The following KIF26B variants were observed in gnomAD, a reference collection of about 807,000 sequenced individuals.
KIF26B encodes kinesin-like protein KIF26B.
In KIF26B, 63 loss-of-function variants were observed where a neutral mutation model predicts 151.2. The ratio of observed to expected loss-of-function variants is 0.42; its 90% CI spans 0.34 to 0.51. KIF26B has a LOEUF of 0.51. Among genes scored for constraint, KIF26B ranks in the 20% least tolerant of loss-of-function variants. KIF26B has a pLI of 0.07. For synonymous variants in KIF26B, 1,357 were observed against 1,262.1 expected, an observed-to-expected ratio of 1.08 and a Z score of -1.59; for missense variants, 2,813 against 2,913.6, an observed-to-expected ratio of 0.97 and a Z score of 0.79.
intron 4 of KIF26B, among the ~76,000 whole-genome samples, chr1:245,430,143 C>G (rs1461389504): frequency 6.6e-6 from 1 of 151,946 alleles, no homozygotes; most frequent in African/African-American, 2.4e-5. Flanking sequence ...CCCTCGTGAT[C>G]TGAACTGGGG....
At chr1:245,582,637 G>C (rs1217317508) in intron 5 of KIF26B, among the ~76,000 whole-genome samples, 1 of 152,136 alleles carries the variant, frequency 6.6e-6, no homozygotes, top group Non-Finnish European at 1.5e-5. Context: ...GAGGATTTAT[G>C]CTTATCGTCT....
rs149448946 is a variant in KIF26B, at chr1:245,181,396, G to A, written c.465+24713G>A. On this transcript the variant is annotated intron_variant, in intron 2 of 14. Coordinates refer to ENST00000407071, the MANE Select transcript of KIF26B (RefSeq NM_018012.4). Reference sequence around the variant, plus strand: ...TTGAAAGTAGGTTATCGATTAGCACGGATGCCAATTTACTACAGAGGCTGT... The same window carrying A: ...TTGAAAGTAGGTTATCGATTAGCACAGATGCCAATTTACTACAGAGGCTGT... Among the ~76,000 whole-genome samples, 255 of 152,128 alleles carry A rather than the reference G, an allele frequency of 1.7e-3. 5 individuals are homozygous for A. The South Asian group carries it at 0.025, about 15-fold the overall frequency.
chr1:245,347,139 C>T (rs1672472053), intron 2 of KIF26B, among the ~76,000 whole-genome samples: 1 of 152,166 alleles, frequency 6.6e-6, no homozygotes, highest in Non-Finnish European at 1.5e-5. Flanking sequence ...TTCTAGTGGG[C>T]TCGAGCACCC....
chr1:245,464,022 T>G lies in KIF26B; in HGVS notation c.1166+44277T>G, dbSNP rs530386742. On this transcript the variant is annotated intron_variant, in intron 4 of 14. Coordinates refer to ENST00000407071, the MANE Select transcript of KIF26B (RefSeq NM_018012.4). ...CCTCCTCCTCCTCCTCTGGAAAACG[T>G]GCACAGACTTTGCCCACATTTAATC... is the stretch of plus-strand genomic sequence containing the variant. 2.0e-5 allele frequency among the ~76,000 whole-genome samples: 3 copies of G among 152,304 alleles called. No homozygotes were observed. The East Asian group carries it at 5.8e-4, about 29-fold the overall frequency.
At chr1:245,404,466 T>C (rs1674086367) in intron 3 of KIF26B, among the ~76,000 whole-genome samples, 1 of 152,174 alleles carries the variant, frequency 6.6e-6, no homozygotes, top group African/African-American at 2.4e-5. Context: ...TCCGGTTTAT[T>C]AGCTCGGGGA....
intron 2 of KIF26B, among the ~76,000 whole-genome samples, chr1:245,288,471 T>C (rs1671202649): frequency 6.6e-6 from 1 of 152,194 alleles, no homozygotes; most frequent in Admixed American, 6.5e-5. Flanking sequence ...CCAAAGAGTA[T>C]TGAGCAAATG....
chr1:245,532,778 A>C (rs916383741), intron 4 of KIF26B, among the ~76,000 whole-genome samples: 2 of 151,854 alleles, frequency 1.3e-5, no homozygotes, highest in East Asian at 3.9e-4. Flanking sequence ...GAAAAAAAAA[A>C]CCCCAGCCCC....
intron 2 of KIF26B, among the ~76,000 whole-genome samples, chr1:245,270,195 T>C (rs55797409): frequency 0.31 from 22,077 of 71,320 alleles, 5,168 homozygotes; most frequent in African/African-American, 0.46. Flanking sequence ...TTCCTTCTTC[T>C]TTTCCCTTCC....
At chr1:245,326,487 A>G (rs1443319577) in intron 2 of KIF26B, among the ~76,000 whole-genome samples, 1 of 152,142 alleles carries the variant, frequency 6.6e-6, no homozygotes, top group Non-Finnish European at 1.5e-5. Flanking sequence ...ACGGCTGCCA[A>G]GTTTACCCCA....
At chr1:245,607,919 G>T (rs12063263) in intron 7 of KIF26B, among the ~76,000 whole-genome samples, 175 bp downstream of exon 7, 1 of 152,208 alleles carries the variant, frequency 6.6e-6, no homozygotes, top group Admixed American at 6.5e-5. Flanking sequence ...TTCATTGTAG[G>T]TGGACACCCA....
intron 10 of KIF26B, among the ~76,000 whole-genome samples, chr1:245,671,131 A>G (rs1233891279): frequency 6.6e-6 from 1 of 152,190 alleles, no homozygotes; most frequent in African/African-American, 2.4e-5. Flanking sequence ...TTATTTCACA[A>G]AATGATCTCC....
At chr1:245,574,902 T>C (rs1399361428) in intron 5 of KIF26B, among the ~76,000 whole-genome samples, 1 of 149,274 alleles carries the variant, frequency 6.7e-6, no homozygotes, top group East Asian at 2.0e-4. Context: ...CTTGCTCTGT[T>C]GCCCAGGCTG....
intron 2 of KIF26B, among the ~76,000 whole-genome samples, chr1:245,341,507 A>C (rs1672333993): frequency 6.6e-6 from 1 of 151,788 alleles, no homozygotes; most frequent in Admixed American, 6.6e-5. Context: ...ATTTTTGTAG[A>C]GACAAGATCT....
At chr1:245,496,445 A>T (rs1175387078) in intron 4 of KIF26B, among the ~76,000 whole-genome samples, 3 of 152,218 alleles carry the variant, frequency 2.0e-5, no homozygotes, top group Non-Finnish European at 4.4e-5. Flanking sequence ...AAAGGGGGTA[A>T]AGGGAGTTAA....
At chr1:245,461,685 T>C (rs1239053710) in intron 4 of KIF26B, among the ~76,000 whole-genome samples, 1 of 152,190 alleles carries the variant, frequency 6.6e-6, no homozygotes, top group African/African-American at 2.4e-5. Flanking sequence ...GAGAGCTCTA[T>C]GTTGCATCTT....
At chr1:245,285,129 C>G (rs1222802698) in intron 2 of KIF26B, among the ~76,000 whole-genome samples, 3 of 152,204 alleles carry the variant, frequency 2.0e-5, no homozygotes, top group East Asian at 3.8e-4. Context: ...CCAGGCTGTG[C>G]TCAGCTCAGC....
chr1:245,642,651 C>A (rs984779265), intron 9 of KIF26B, among the ~76,000 whole-genome samples: 23 of 151,438 alleles, frequency 1.5e-4, no homozygotes, highest in Non-Finnish European at 2.4e-4. Flanking sequence ...TAAGTCCCTG[C>A]ATAGACAGGA....
intron 4 of KIF26B, among the ~76,000 whole-genome samples, chr1:245,447,192 C>A (rs1659267562): frequency 6.6e-6 from 1 of 152,176 alleles, no homozygotes; most frequent in Admixed American, 6.5e-5. Context: ...CGTGGCCCAT[C>A]TGAATTAACA....
chr1:245,344,494 CAAAAAAAAAAAAAAAA>C (rs57007301), intron 2 of KIF26B, among the ~76,000 whole-genome samples: 2 of 39,982 alleles, frequency 5.0e-5, no homozygotes, highest in African/African-American at 9.9e-5. Flanking sequence ...GACTCCGTCT[CAAAAAAAAAAAAAAAA>C]AAAAAAAAAA....
Sources: gnomAD v4.1 joint callset for allele counts (sites outside exome capture counted in the v4.1 genomes callset) on GRCh38, gnomAD v4.1.1 for gene constraint, MANE v1.5 for transcripts, NCBI Gene and HGNC (gene_info 2026-07-23, HGNC 2026-07-21) for gene names.